The following RFT1 variants were observed in gnomAD, a reference collection of about 807,000 sequenced individuals.
RFT1 encodes RFT1 glycolipid translocator homolog, also known as man(5)GlcNAc(2)-PP-dolichol translocation protein RFT1.
A neutral mutation model predicts 62.2 loss-of-function variants in RFT1; 43 were observed. That is an observed-to-expected ratio of 0.69 (90% CI 0.54 to 0.89). The LOEUF (loss-of-function observed/expected upper bound fraction) is 0.89. Ranked by LOEUF, RFT1 falls within the 40% of genes least tolerant of loss-of-function variation. The probability of loss-of-function intolerance (pLI) is 0.00; values close to 1 mark genes in which losing one functional copy is unlikely to be tolerated. For synonymous variants in RFT1, 262 were observed against 264.6 expected, an observed-to-expected ratio of 0.99 and a Z score of 0.10; for missense variants, 605 against 649.9, an observed-to-expected ratio of 0.93 and a Z score of 0.75.
the RFT1 span, among the ~76,000 whole-genome samples, chr3:53,069,472 A>C: frequency 5.9e-5 from 9 of 152,342 alleles, no homozygotes; most frequent in South Asian, 2.1e-4. Context: ...ATAGTGGAAA[A>C]ATGGGGAAAG....
At chr3:53,120,176 G>T (rs1411707282) in intron 5 of RFT1, among the ~76,000 whole-genome samples, 155 bp from the exon 6 acceptor site, 1 of 152,166 alleles carries the variant, frequency 6.6e-6, no homozygotes, top group Admixed American at 6.5e-5. Flanking sequence ...TAGTCACTTA[G>T]ACCCAACTCC....
At chr3:53,125,823 C>A in intron 2 of RFT1, 86 bp downstream of exon 2, 1 of 1,049,382 alleles carries the variant, frequency 9.5e-7, no homozygotes. Flanking sequence ...CTTCTAGAAT[C>A]CAAGGATGAC....
chr3:53,129,414 G>A (rs1197285101), intron 1 of RFT1, among the ~76,000 whole-genome samples: 1 of 152,120 alleles, frequency 6.6e-6, no homozygotes, highest in Non-Finnish European at 1.5e-5. Flanking sequence ...CCGAAGGCAG[G>A]CATCTAGCAA....
intron 10 of RFT1, among the ~76,000 whole-genome samples, chr3:53,101,096 A>C (rs1701299086): frequency 6.6e-6 from 1 of 152,162 alleles, no homozygotes; most frequent in Non-Finnish European, 1.5e-5. Context: ...TGGGACCCCT[A>C]AACAGTTTTA....
intron 11 of RFT1, among the ~76,000 whole-genome samples, chr3:53,094,162 T>C (rs1183425776): frequency 1.3e-5 from 2 of 152,000 alleles, no homozygotes; most frequent in African/African-American, 4.8e-5. Flanking sequence ...GGCAGGAGAA[T>C]TGCTTGAGGC....
chr3:53,084,127 G>A (rs114585888), downstream of RFT1, among the ~76,000 whole-genome samples: 1,392 of 152,362 alleles, frequency 9.1e-3, 28 homozygotes, highest in African/African-American at 0.031. Context: ...GGTGAGGGAA[G>A]ATAAGAGTGT....
At chr3:53,117,825 C>G (rs543282291) in intron 6 of RFT1, among the ~76,000 whole-genome samples, 1 of 152,208 alleles carries the variant, frequency 6.6e-6, no homozygotes, top group South Asian at 2.1e-4. Context: ...GAGTGAGGTA[C>G]TATTATTATC....
At chr3:53,121,926 A>G (rs1701980638) in intron 4 of RFT1, 126 bp from the exon 5 acceptor site, 5 of 753,014 alleles carry the variant, frequency 6.6e-6, no homozygotes, top group East Asian at 5.4e-5. Context: ...ACAGCTGGAC[A>G]TAAGTATCAG....
At chr3:53,099,233 C>T (rs990845867) in intron 11 of RFT1, 148 bp downstream of exon 11, 14 of 699,348 alleles carry the variant, frequency 2.0e-5, no homozygotes, top group Admixed American at 4.1e-5. Context: ...CACAGAGATC[C>T]CAGGGGAGCA....
chr3:53,108,701 T>C (rs2107125798), intron 7 of RFT1, among the ~76,000 whole-genome samples: 1 of 148,512 alleles, frequency 6.7e-6, no homozygotes, highest in East Asian at 1.9e-4. Context: ...TATCTTTAAA[T>C]GGTTTTTTTT....
At chr3:53,080,454 C>CCTG in the RFT1 span, among the ~76,000 whole-genome samples, 2 of 152,226 alleles carry the variant, frequency 1.3e-5, no homozygotes, top group Non-Finnish European at 2.9e-5. Flanking sequence ...TTCTTCTTCA[C>CCTG]CTGCAGCTTC....
intron 6 of RFT1, among the ~76,000 whole-genome samples, chr3:53,114,088 C>T (rs952248928): frequency 2.0e-5 from 3 of 152,142 alleles, no homozygotes; most frequent in East Asian, 1.9e-4. Context: ...CAAAGAGCAC[C>T]AGACAACTTC....
rs192684128 is a variant in RFT1, at chr3:53,093,087, C to G, written c.1209-469G>C. ...CACAGAGAAGTTGAGTAATTTGTCT[C>G]AAGAGTGAGGTAACACTCAGCCGGA... is the stretch of plus-strand genomic sequence containing the variant. On this transcript the variant is annotated intron_variant, in intron 11 of 12. Transcript: ENST00000296292. Among the ~76,000 whole-genome samples the G allele has an allele frequency of 1.4e-4, 21 of 150,510 alleles. No homozygotes were observed. The East Asian group carries it at 4.2e-3, about 30-fold the overall frequency.
intron 10 of RFT1, 66 bp downstream of exon 10, chr3:53,103,887 G>T: frequency 6.3e-7 from 1 of 1,592,984 alleles, no homozygotes; most frequent in Non-Finnish European, 8.6e-7. Flanking sequence ...ACAAGTTCTT[G>T]AATTTCGTGA....
intron 1 of RFT1, among the ~76,000 whole-genome samples, chr3:53,128,731 C>T (rs28734933): frequency 0.26 from 40,042 of 152,156 alleles, 5,669 homozygotes; most frequent in Middle Eastern, 0.39. Context: ...GGCTGGTCTT[C>T]AACTCCTGAG....
chr3:53,123,157 T>C (rs1049512100), intron 3 of RFT1, among the ~76,000 whole-genome samples: 5 of 152,198 alleles, frequency 3.3e-5, no homozygotes, highest in African/African-American at 1.2e-4. Flanking sequence ...AGGGCAGCAC[T>C]GGGAAATAAC....
chr3:53,069,097 G>A, the RFT1 span, among the ~76,000 whole-genome samples: 10 of 152,168 alleles, frequency 6.6e-5, no homozygotes, highest in African/African-American at 1.4e-4. Flanking sequence ...GTGCCACTAC[G>A]CGTGGCTAAT....
chr3:53,105,889 C>T, intron 8 of RFT1, 86 bp from the exon 9 acceptor site: 1 of 1,236,208 alleles, frequency 8.1e-7, no homozygotes, highest in Non-Finnish European at 1.1e-6. Context: ...TTAATATTTT[C>T]ATTAAAGTTT....
intron 11 of RFT1, among the ~76,000 whole-genome samples, chr3:53,094,403 A>C (rs368274702): frequency 6.6e-6 from 1 of 151,944 alleles, no homozygotes; most frequent in Non-Finnish European, 1.5e-5. Flanking sequence ...ACACAATACT[A>C]TACTCCAACA....
Sources: gnomAD v4.1 joint callset for allele counts (sites outside exome capture counted in the v4.1 genomes callset) on GRCh38, gnomAD v4.1.1 for gene constraint, MANE v1.5 for transcripts, NCBI Gene and HGNC (gene_info 2026-07-23, HGNC 2026-07-21) for gene names.